ATP5PO: variants seen among roughly 807,000 people sequenced by gnomAD.
The protein encoded by ATP5PO is ATP synthase peripheral stalk subunit OSCP, mitochondrial.
In ATP5PO, 14 loss-of-function variants were observed where a neutral mutation model predicts 26.2. That is an observed-to-expected ratio of 0.53 (90% confidence interval 0.35 to 0.83). The LOEUF is 0.83. ATP5PO is among the 40% of genes least tolerant of loss of function. The pLI is 0.01. For synonymous variants in ATP5PO, 106 were observed against 95.1 expected (o/e 1.12, Z -0.67); for missense variants, 241 against 258.5 (o/e 0.93, Z 0.46).
Position 33,915,803 on chromosome 21 carries a change from A to G in ATP5PO, c.-40T>C, listed in dbSNP as rs778462106. 145 of 1,551,934 alleles carry G rather than the reference A, an allele frequency of 9.3e-5. No homozygotes were observed. The East Asian group carries it at 3.3e-3, about 35-fold the overall frequency. ...CTGTAGGTCAAACCCGAGTGGGAAG[A>G]GAGAAACGCGCAAGGGCGCACGCGC... On this transcript the variant is annotated 5_prime_UTR_variant, in exon 1 of 7. Transcript: ENST00000290299.
intron 2 of ATP5PO, among the ~76,000 whole-genome samples, chr21:33,913,641 T>C (rs1987276664): frequency 6.6e-6 from 1 of 152,162 alleles, no homozygotes. Context: ...GGATTACTTC[T>C]GGTTTGAAAA....
intron 5 of ATP5PO, chr21:33,906,482 C>T (rs1480935250): frequency 8.8e-6 from 3 of 340,220 alleles, no homozygotes; most frequent in African/African-American, 6.6e-5. Context: ...CTTCATCTCC[C>T]TGCATTCGGT....
At chr21:33,905,408 A>C (rs2148605287) in intron 5 of ATP5PO, among the ~76,000 whole-genome samples, 1 of 152,144 alleles carries the variant, frequency 6.6e-6, no homozygotes, top group Non-Finnish European at 1.5e-5. Context: ...TGGGTAAGAA[A>C]CTCACCTAAG....
chr21:33,903,653 A>C lies in ATP5PO; in HGVS notation c.529-14T>G. ...TGACGGATCAGTCTACAAAAGAAGTAAGACTGGAAATGTGAAAACGCGCTA... is the reference window on the plus strand; with the variant it reads ...TGACGGATCAGTCTACAAAAGAAGTCAGACTGGAAATGTGAAAACGCGCTA... On this transcript the variant is annotated splice_polypyrimidine_tract_variant and intron_variant, in intron 6 of 6. Coordinates refer to ENST00000290299, the MANE Select transcript of ATP5PO (RefSeq NM_001697.3). 1.9e-6 allele frequency: 3 copies of C among 1,612,046 alleles called. No individual in the cohort carries two copies. The highest frequency in any genetic ancestry group is 2.5e-6 in the Non-Finnish European group (3 of 1,178,274).
intron 5 of ATP5PO, 72 bp downstream of exon 5, chr21:33,907,269 T>TC: frequency 7.5e-7 from 1 of 1,335,926 alleles, no homozygotes; most frequent in Non-Finnish European, 1.1e-6. Context: ...ACCCTGTTTT[T>TC]CCCTTTTCTT....
chr21:33,913,472 A>C (rs1200906580), intron 2 of ATP5PO, among the ~76,000 whole-genome samples: 1 of 152,214 alleles, frequency 6.6e-6, no homozygotes, highest in African/African-American at 2.4e-5. Context: ...ACTTTCTTTA[A>C]TCAAATAAAG....
intron 2 of ATP5PO, among the ~76,000 whole-genome samples, chr21:33,913,122 T>C (rs1987270559): frequency 6.6e-6 from 1 of 152,210 alleles, no homozygotes; most frequent in Non-Finnish European, 1.5e-5. Context: ...AGGGCCTCAG[T>C]TTCCCCTTTT....
intron 2 of ATP5PO, among the ~76,000 whole-genome samples, chr21:33,912,876 C>T (rs1987267171): frequency 6.6e-6 from 1 of 152,244 alleles, no homozygotes; most frequent in Non-Finnish European, 1.5e-5. Flanking sequence ...TTTTCCCTTA[C>T]ATAGCCTCCC....
intron 5 of ATP5PO, chr21:33,907,125 A>T (rs1465150821): frequency 1.8e-6 from 1 of 540,596 alleles, no homozygotes; most frequent in East Asian, 3.1e-5. Flanking sequence ...CCCAGGCCTT[A>T]TGAATAATCA....
At position 33,909,297 on chromosome 21, in the gene ATP5PO, T is replaced by G. The variant is rs549780248; in HGVS notation, c.199-86A>C. 164 of 1,450,588 alleles carry G rather than the reference T, an allele frequency of 1.1e-4. 1 individual carries two copies. In the South Asian group the frequency reaches 1.9e-3, roughly 17 times the overall value. The allele number at this position is 1,450,588 out of a possible 1,614,324, so 89.9% of individuals were successfully genotyped here. A position where few individuals can be genotyped will look rare whatever the true frequency, so the allele number is the denominator to read the frequency against. On this transcript the variant is annotated intron_variant, in intron 3 of 6. Transcript: ENST00000290299. Reference sequence around the variant, plus strand: ...GCACACACTTTCTTTCTTTCTTTTTTGGAGACAACGTCTTGCTCCGTCGCT... The same window carrying G: ...GCACACACTTTCTTTCTTTCTTTTTGGGAGACAACGTCTTGCTCCGTCGCT...
intron 3 of ATP5PO, among the ~76,000 whole-genome samples, chr21:33,911,220 T>C (rs1329074299): frequency 6.6e-6 from 1 of 152,202 alleles, no homozygotes; most frequent in Non-Finnish European, 1.5e-5. Context: ...GACATTCTCC[T>C]ATTCAGTTAC....
At chr21:33,909,364 C>T (rs1172984642) in intron 3 of ATP5PO, among the ~76,000 whole-genome samples, 153 bp from the exon 4 acceptor site, 1 of 152,192 alleles carries the variant, frequency 6.6e-6, no homozygotes, top group Non-Finnish European at 1.5e-5. Flanking sequence ...CACACAACCT[C>T]CACATCCCGG....
rs1486877855 is a variant in ATP5PO, at chr21:33,903,845, G to C, written c.528+90C>G. The C allele has an allele frequency of 4.1e-6, 5 of 1,230,590 alleles. No homozygotes were observed. In the African/African-American group the frequency reaches 7.7e-5, roughly 19 times the overall value. The allele number at this position is 1,230,590 out of a possible 1,614,324, so 76.2% of individuals were successfully genotyped here. A position where few individuals can be genotyped will look rare whatever the true frequency, so the allele number is the denominator to read the frequency against. ...TTAACTACAGAAAAATTAGTATAGA[G>C]TTAGATCTAATATTTCACTAGTACT... On this transcript the variant is annotated intron_variant, in intron 6 of 6. Coordinates refer to ENST00000290299, the MANE Select transcript of ATP5PO (RefSeq NM_001697.3).
intron 2 of ATP5PO, 140 bp from the exon 3 acceptor site, chr21:33,912,539 G>T: frequency 1.9e-6 from 1 of 533,630 alleles, no homozygotes; most frequent in East Asian, 3.1e-5. Context: ...TCATTCAAGA[G>T]CTGTCCTAAA....
chr21:33,908,494 G>A (rs1220364102), intron 4 of ATP5PO, among the ~76,000 whole-genome samples: 1 of 152,194 alleles, frequency 6.6e-6, no homozygotes, highest in Non-Finnish European at 1.5e-5. Flanking sequence ...GATGGCTTGA[G>A]CCCAGGAGTT....
chr21:33,903,645 A>G lies in ATP5PO; in HGVS notation c.529-6T>C. 1 of 1,613,552 alleles carries G rather than the reference A, an allele frequency of 6.2e-7. No individual in the cohort carries two copies. Among genetic ancestry groups the G allele is most frequent in the Non-Finnish European group, 8.5e-7 (1 of 1,179,470 alleles). ...CCCAAGATTGACGGATCAGTCTACA[A>G]AAGAAGTAAGACTGGAAATGTGAAA... On this transcript the variant is annotated splice_region_variant and splice_polypyrimidine_tract_variant and intron_variant, in intron 6 of 6. Coordinates refer to ENST00000290299, the MANE Select transcript of ATP5PO (RefSeq NM_001697.3).
At chr21:33,904,312 A>G (rs1419531994) in intron 5 of ATP5PO, among the ~76,000 whole-genome samples, 1 of 152,200 alleles carries the variant, frequency 6.6e-6, no homozygotes, top group African/African-American at 2.4e-5. Context: ...TAGCAGTACA[A>G]CTTGGAACTA....
chr21:33,904,073 CAG>C, intron 5 of ATP5PO, 52 bp from the exon 6 acceptor site: 20 of 1,513,060 alleles, frequency 1.3e-5, no homozygotes, highest in Non-Finnish European at 1.8e-5. Context: ...CAGAAACTTC[CAG>C]AGTTAAAATA....
At chr21:33,914,682 G>A (rs1602776431) in intron 1 of ATP5PO, 182 bp from the exon 2 acceptor site, 1 of 533,838 alleles carries the variant, frequency 1.9e-6, no homozygotes, top group Non-Finnish European at 3.2e-6. Flanking sequence ...ACCCAATGAG[G>A]ATTATGCCAA....
Sources: gnomAD v4.1 joint callset for allele counts (sites outside exome capture counted in the v4.1 genomes callset) on GRCh38, gnomAD v4.1.1 for gene constraint, MANE v1.5 for transcripts, NCBI Gene and HGNC (gene_info 2026-07-23, HGNC 2026-07-21) for gene names.